Variants in NUDT2 observed in about 807,000 individuals in gnomAD.
NUDT2 encodes bis(5'-nucleosyl)-tetraphosphatase [asymmetrical].
Under a neutral mutation model 14.2 loss-of-function variants are expected in NUDT2, and 12 were observed. The ratio of observed to expected loss-of-function variants is 0.84; its 90% CI spans 0.54 to 1.37. The LOEUF (loss-of-function observed/expected upper bound fraction) is 1.37, where lower values mean the gene tolerates loss of function less well. Ranked by LOEUF, NUDT2 falls within the 40% of genes most tolerant of loss-of-function variation. The probability of loss-of-function intolerance (pLI) is 0.00; values close to 1 mark genes in which losing one functional copy is unlikely to be tolerated. For synonymous variants in NUDT2, 67 were observed against 67.4 expected (o/e 0.99, Z 0.03); for missense variants, 167 against 176.7 (o/e 0.95, Z 0.31).
At chr9:34,334,718 A>T (rs1838042198) in intron 1 of NUDT2, among the ~76,000 whole-genome samples, 1 of 152,194 alleles carries the variant, frequency 6.6e-6, no homozygotes, top group Non-Finnish European at 1.5e-5. Context: ...GGGTCCCAAG[A>T]AAACAGAGCT....
intron 1 of NUDT2, among the ~76,000 whole-genome samples, chr9:34,334,309 T>C (rs1395793895): frequency 6.6e-6 from 1 of 152,238 alleles, no homozygotes; most frequent in Non-Finnish European, 1.5e-5. Context: ...TGAAGGTTTT[T>C]TTGTTCAGGT....
In NUDT2 at chr9:34,343,368, G is replaced by T. The variant is rs139419109; in HGVS notation, c.372G>T (p.Gln124His). Residue 124 changes from glutamine (Q) to histidine (H), a missense_variant, in exon 5 of 5, where the codon CAG (glutamine) becomes CAT (histidine). By Grantham distance (24) the Gln-to-His change is conservative (BLOSUM62 0). Coordinates refer to ENST00000379158, the MANE Select transcript of NUDT2 (RefSeq NM_001161.5). ...YRWLGLEEAC[Q>H]LAQFKEMKAA... is the part of the protein sequence containing the mutation. Reference sequence around the variant, plus strand: ...GGCTGGGGCTGGAGGAGGCCTGCCAGTTGGCTCAGTTCAAGGAGATGAAGG... The same window carrying T: ...GGCTGGGGCTGGAGGAGGCCTGCCATTTGGCTCAGTTCAAGGAGATGAAGG... 4 of 1,614,098 alleles carry T rather than the reference G, an allele frequency of 2.5e-6. No individual in the cohort carries two copies. The highest frequency in any genetic ancestry group is 4.5e-5 in the East Asian group (2 of 44,858).
rs1168700160 is a variant in NUDT2, at chr9:34,343,474, A to T, written c.*34A>T. Reference sequence around the variant, plus strand: ...GAGCAGAGTCATTTGCTTCAGCAGGATCCTTGTGGGCCTTCTAAGATGAAG... The same window carrying T: ...GAGCAGAGTCATTTGCTTCAGCAGGTTCCTTGTGGGCCTTCTAAGATGAAG... On this transcript the variant is annotated 3_prime_UTR_variant, in exon 5 of 5. Transcript: ENST00000379158. 7 of 1,519,252 alleles carry T rather than the reference A, an allele frequency of 4.6e-6. No homozygotes were observed. Among genetic ancestry groups the T allele is most frequent in the Admixed American group, 2.1e-5 (1 of 47,994 alleles). The allele number at this position is 1,519,252 out of a possible 1,614,324, so 94.1% of individuals were successfully genotyped here.
intron 2 of NUDT2, among the ~76,000 whole-genome samples, chr9:34,336,954 A>G (rs982463489): frequency 2.1e-5 from 3 of 142,666 alleles, no homozygotes; most frequent in African/African-American, 7.7e-5. Context: ...TTCCTTTTTG[A>G]TATTGCAAAC....
intron 1 of NUDT2, among the ~76,000 whole-genome samples, chr9:34,332,361 C>A (rs1837965168): frequency 6.6e-6 from 1 of 152,174 alleles, no homozygotes; most frequent in African/African-American, 2.4e-5. Flanking sequence ...TGCTGCCTTT[C>A]CATCTTACGT....
chr9:34,332,364 T>G (rs904715065), intron 1 of NUDT2, among the ~76,000 whole-genome samples: 1 of 152,200 alleles, frequency 6.6e-6, no homozygotes, highest in African/African-American at 2.4e-5. Context: ...TGCCTTTCCA[T>G]CTTACGTTGC....
chr9:34,336,996 CTTT>C (rs145996244), intron 2 of NUDT2, among the ~76,000 whole-genome samples: 3 of 109,208 alleles, frequency 2.7e-5, no homozygotes, highest in Non-Finnish European at 3.6e-5. Context: ...ATATGTACAT[CTTT>C]TTTTTTTTTT....
chr9:34,338,975 G>A, intron 3 of NUDT2, 49 bp from the exon 4 acceptor site: 1 of 1,526,910 alleles, frequency 6.5e-7, no homozygotes, highest in African/African-American at 1.4e-5. Context: ...CCAGTATGGA[G>A]CTTCCTATTT....
chr9:34,341,924 C>T (rs1820197827), intron 4 of NUDT2, among the ~76,000 whole-genome samples: 1 of 152,178 alleles, frequency 6.6e-6, no homozygotes, highest in Admixed American at 6.5e-5. Context: ...TCGCCATGAG[C>T]CTGTGAGCAG....
chr9:34,338,886 G>T, intron 3 of NUDT2, 39 bp downstream of exon 3: 1 of 661,368 alleles, frequency 1.5e-6, no homozygotes. Context: ...ATTGGTCCTG[G>T]GCATGCTGCC....
At chr9:34,331,279 A>G (rs1385470555) in intron 1 of NUDT2, among the ~76,000 whole-genome samples, 1 of 152,254 alleles carries the variant, frequency 6.6e-6, no homozygotes, top group Non-Finnish European at 1.5e-5. Flanking sequence ...ATGATCTTTT[A>G]TGACACACGG....
chr9:34,329,847 G>A (rs185212525), intron 1 of NUDT2, among the ~76,000 whole-genome samples: 91 of 142,088 alleles, frequency 6.4e-4, no homozygotes, highest in African/African-American at 2.3e-3. Context: ...CGTCGGAGTG[G>A]GGATAGGGTG....
chr9:34,329,841 G>C (rs2039345), intron 1 of NUDT2, among the ~76,000 whole-genome samples: 113,810 of 152,138 alleles, frequency 0.75, 43,277 homozygotes, highest in East Asian at 0.95. Context: ...TGTCCCCGTC[G>C]GAGTGGGGAT....
chr9:34,333,226 G>A (rs971608132), intron 1 of NUDT2, among the ~76,000 whole-genome samples: 2 of 151,990 alleles, frequency 1.3e-5, no homozygotes, highest in African/African-American at 2.4e-5. Flanking sequence ...AGTCTTCTTC[G>A]GATACCAGGA....
At chr9:34,336,934 T>C (rs1261565993) in intron 2 of NUDT2, among the ~76,000 whole-genome samples, 1 of 152,140 alleles carries the variant, frequency 6.6e-6, no homozygotes, top group Non-Finnish European at 1.5e-5. Context: ...GATATTTGTT[T>C]CTGGCTCTTT....
Position 34,343,543 on chromosome 9 carries a change from G to C in NUDT2, c.*103G>C. 2 of 1,072,862 alleles carry C rather than the reference G, an allele frequency of 1.9e-6. No individual in the cohort carries two copies. The highest frequency in any genetic ancestry group is 1.3e-6 in the Non-Finnish European group (1 of 770,548). 66.5% of individuals were successfully genotyped at this position (1,072,862 alleles called of 1,614,324 possible). A position where few individuals can be genotyped will look rare whatever the true frequency, so the allele number is the denominator to read the frequency against. ...AAGGTTGTGCTGGTATTTGGCTCAT[G>C]ACAGCCAAGAGCAGATTTGTGAAAT... is the stretch of plus-strand genomic sequence containing the variant. On this transcript the variant is annotated 3_prime_UTR_variant, in exon 5 of 5. Coordinates refer to ENST00000379158, the MANE Select transcript of NUDT2 (RefSeq NM_001161.5).
intron 1 of NUDT2, among the ~76,000 whole-genome samples, chr9:34,330,766 C>A: frequency 6.6e-6 from 1 of 152,016 alleles, no homozygotes; most frequent in Non-Finnish European, 1.5e-5. Context: ...TCGAGACCAT[C>A]CTGGCTGACA....
chr9:34,334,679 A>G (rs1486411487), intron 1 of NUDT2, among the ~76,000 whole-genome samples: 3 of 152,218 alleles, frequency 2.0e-5, no homozygotes, highest in Non-Finnish European at 4.4e-5. Flanking sequence ...CTTTTGAGTC[A>G]ATGAACATCT....
At position 34,343,525 on chromosome 9, in the gene NUDT2, T is replaced by C. The variant is rs1820251085; in HGVS notation, c.*85T>C. Reference sequence around the variant, plus strand: ...CCACCCTCAGGTCCAGGGAAGGTTGTGCTGGTATTTGGCTCATGACAGCCA... The same window carrying C: ...CCACCCTCAGGTCCAGGGAAGGTTGCGCTGGTATTTGGCTCATGACAGCCA... On this transcript the variant is annotated 3_prime_UTR_variant, in exon 5 of 5. Transcript: ENST00000379158. 7.9e-7 allele frequency: 1 copy of C among 1,258,888 alleles called. No individual in the cohort carries two copies. Among genetic ancestry groups the C allele is most frequent in the African/African-American group, 1.5e-5 (1 of 66,396 alleles). 78.0% of individuals were successfully genotyped at this position (1,258,888 alleles called of 1,614,324 possible).
Sources: allele counts gnomAD v4.1 joint callset (sites outside exome capture counted in the v4.1 genomes callset), GRCh38; gene constraint gnomAD v4.1.1; transcripts MANE v1.5; gene names NCBI Gene and HGNC (gene_info 2026-07-23, HGNC 2026-07-21).